Variants in PI4KA observed in about 807,000 individuals in gnomAD.
PI4KA encodes phosphatidylinositol 4-kinase alpha.
Under a neutral mutation model 271.4 loss-of-function variants are expected in PI4KA, and 122 were observed. That is an observed-to-expected ratio of 0.45 (90% confidence interval 0.39 to 0.52). PI4KA has a LOEUF of 0.52. Among genes scored for constraint, PI4KA ranks in the 20% least tolerant of loss-of-function variants. PI4KA has a pLI of 0.00. For missense variants in PI4KA, 1,969 were observed against 2,769.1 expected (o/e 0.71, Z 6.48); for synonymous variants, 1,041 against 1,078.8 (o/e 0.96, Z 0.69).
chr22:20,758,992 G>C (rs1294623342), intron 23 of PI4KA, among the ~76,000 whole-genome samples: 1 of 152,128 alleles, frequency 6.6e-6, no homozygotes, highest in Non-Finnish European at 1.5e-5. Flanking sequence ...GCTCCACAAA[G>C]GACTTACTAG....
intron 19 of PI4KA, among the ~76,000 whole-genome samples, chr22:20,770,579 GACACACACACACACACACACACACAC>G (rs528696021): frequency 5.2e-5 from 5 of 96,024 alleles, no homozygotes; most frequent in South Asian, 4.3e-4. Context: ...GCTGGACACG[GACACACACACACACACACACACACAC>G]ACACACACAC....
At chr22:20,718,595 C>A (rs1926307472) in intron 44 of PI4KA, 98 bp downstream of exon 44, 4 of 1,378,548 alleles carry the variant, frequency 2.9e-6, no homozygotes, top group Non-Finnish European at 3.1e-6. Flanking sequence ...CTGGTTGGGG[C>A]CAGGCACGGG....
Position 20,707,838 on chromosome 22 carries a change from G to A in PI4KA, c.*209C>T. 1 of 662,258 alleles carries A rather than the reference G, an allele frequency of 1.5e-6. No individual in the cohort carries two copies. Among genetic ancestry groups the A allele is most frequent in the Non-Finnish European group, 2.8e-6 (1 of 360,896 alleles). 41.0% of individuals were successfully genotyped at this position (662,258 alleles called of 1,614,324 possible). A position where few individuals can be genotyped will look rare whatever the true frequency, so the allele number is the denominator to read the frequency against. On this transcript the variant is annotated 3_prime_UTR_variant, in exon 55 of 55. Coordinates refer to ENST00000255882, the MANE Select transcript of PI4KA (RefSeq NM_058004.4). ...AACAGAGGACTCACACCTGTGCATA[G>A]ACAGCACCATCCATTGATTGTCGCT...
In PI4KA at chr22:20,820,542, T is replaced by C. The variant is rs749863836; in HGVS notation, c.526A>G (p.Lys176Glu). 2 of 1,601,314 alleles carry C rather than the reference T, an allele frequency of 1.2e-6. No individual in the cohort carries two copies. The highest frequency in any genetic ancestry group is 1.7e-6 in the Non-Finnish European group (2 of 1,170,808). The change falls in exon 5 of 55, where the codon AAA becomes GAA. Residue 176 changes from lysine to glutamate, a missense_variant. By Grantham distance (56) the Lys-to-Glu change is moderately conservative (BLOSUM62 1). This residue lies in a region of PI4KA where 540 missense variants were observed against 555.5 expected (regional missense o/e 0.97). Transcript: ENST00000255882. Reference protein sequence around the residue: ...GMCQALEIQDKEYLCKYAIPC... With the variant: ...GMCQALEIQDEEYLCKYAIPC... ...AAAACCTTAAGGATACTCGTACCTT[T>C]GTCTTGAATCTCCAAGGCCTGGCAC... is the stretch of plus-strand genomic sequence containing the variant.
At chr22:20,748,596 G>C (rs551514004) in intron 28 of PI4KA, among the ~76,000 whole-genome samples, 10 of 152,326 alleles carry the variant, frequency 6.6e-5, no homozygotes, top group Admixed American at 4.6e-4. Context: ...TCGAGGGTGG[G>C]GGCAAGCCTG....
At chr22:20,788,419 C>T (rs1934412478) in intron 19 of PI4KA, among the ~76,000 whole-genome samples, 1 of 152,190 alleles carries the variant, frequency 6.6e-6, no homozygotes, top group Admixed American at 6.5e-5. Context: ...TGGGTTATCT[C>T]ACAGAGTCTC....
chr22:20,717,735 C>A lies in PI4KA; in HGVS notation c.5290G>T (p.Ala1764Ser), dbSNP rs767451359. 6.3e-6 allele frequency: 10 copies of A among 1,581,204 alleles called. No homozygotes were observed. Among genetic ancestry groups the A allele is most frequent in the South Asian group, 1.2e-5 (1 of 86,718 alleles). ...GGCTGCACCTTCACTTCAGACAGGG[C>A]CGACAGACAAGCCTTCTTTCTCTCG... ...GDERKKACLS[A>S]LSEVKVQPGC... is the part of the protein sequence containing the mutation. Residue 1764 changes from alanine to serine, a missense_variant, in exon 45 of 55, where the codon GCC becomes TCC. Around this residue, in one of 13 missense-constraint regions of PI4KA, gnomAD observed 388 missense variants for 521.5 expected, o/e 0.74. Coordinates refer to ENST00000255882, the MANE Select transcript of PI4KA (RefSeq NM_058004.4).
At chr22:20,798,118 A>G (rs1168852817) in intron 17 of PI4KA, among the ~76,000 whole-genome samples, 1 of 152,178 alleles carries the variant, frequency 6.6e-6, no homozygotes, top group African/African-American at 2.4e-5. Flanking sequence ...AACCCACAGA[A>G]AGCATCAAAG....
intron 42 of PI4KA, chr22:20,725,603 T>C: frequency 2.3e-6 from 1 of 442,992 alleles, no homozygotes; most frequent in Non-Finnish European, 4.6e-6. Flanking sequence ...TGGCTATCAA[T>C]AAGCCAGGGA....
chr22:20,749,828 G>A, intron 28 of PI4KA, 77 bp downstream of exon 28: 1 of 855,202 alleles, frequency 1.2e-6, no homozygotes, highest in Non-Finnish European at 2.0e-6. Flanking sequence ...TGGATTTTGA[G>A]TTCTTCATGT....
intron 23 of PI4KA, among the ~76,000 whole-genome samples, chr22:20,755,144 C>T (rs1039828564): frequency 3.3e-5 from 5 of 152,032 alleles, no homozygotes; most frequent in African/African-American, 1.2e-4. Context: ...CAGCCTTTTT[C>T]CCCATTTTTT....
chr22:20,798,839 C>G (rs554559921), intron 16 of PI4KA, 152 bp from the exon 17 acceptor site: 2 of 646,104 alleles, frequency 3.1e-6, no homozygotes, highest in South Asian at 3.8e-5. Context: ...TTTAATCAAA[C>G]CTCAAATTAA....
chr22:20,772,435 T>C (rs931657575), intron 19 of PI4KA, among the ~76,000 whole-genome samples: 1 of 152,168 alleles, frequency 6.6e-6, no homozygotes, highest in Non-Finnish European at 1.5e-5. Context: ...CCTCTGCCTG[T>C]GGTGCCACGC....
chr22:20,844,742 T>A (rs921326233), intron 1 of PI4KA, among the ~76,000 whole-genome samples: 3 of 152,200 alleles, frequency 2.0e-5, no homozygotes, highest in Admixed American at 6.5e-5. Flanking sequence ...ACATTTATCA[T>A]GTGTTCATCT....
At chr22:20,844,109 T>A (rs967833683) in intron 1 of PI4KA, among the ~76,000 whole-genome samples, 1 of 152,206 alleles carries the variant, frequency 6.6e-6, no homozygotes, top group Non-Finnish European at 1.5e-5. Flanking sequence ...TCTCAATAGC[T>A]CACATAGAAC....
Position 20,744,716 on chromosome 22 carries a change from G to C in PI4KA, c.3368C>G (p.Thr1123Ser). ...YNKQNTTLGA[T>S]QLSERPACVK... is the part of the protein sequence containing the mutation. ...ACAGGCCGGGCGCTCGCTCAGCTGA[G>C]TTGCCTACAGACAGATAACCATTAT... The change falls in exon 30 of 55, where the codon ACT becomes AGT. Residue 1123 changes from threonine to serine, a missense_variant. By Grantham distance (58) the Thr-to-Ser change is moderately conservative. This residue lies in a region of PI4KA where 203 missense variants were observed against 256.8 expected (regional missense o/e 0.79). Transcript: ENST00000255882. The C allele has an allele frequency of 6.2e-7, 1 of 1,613,358 alleles. No individual in the cohort carries two copies. The highest frequency in any genetic ancestry group is 8.5e-7 in the Non-Finnish European group (1 of 1,179,266).
rs573491020 is a variant in PI4KA, at chr22:20,768,122, G to C, written c.2329-2429C>G. On this transcript the variant is annotated intron_variant, in intron 19 of 54. Coordinates refer to ENST00000255882, the MANE Select transcript of PI4KA (RefSeq NM_058004.4). ...AGGCAAAGGTGTTCCTCAATTCCCA[G>C]ACGGTGCGGCGGCCAGACAGAGGTG... is the stretch of plus-strand genomic sequence containing the variant. Among the ~76,000 whole-genome samples, 9 of 152,258 alleles carry C rather than the reference G, an allele frequency of 5.9e-5. No individual in the cohort carries two copies. The South Asian group carries it at 1.9e-3, about 32-fold the overall frequency.
intron 19 of PI4KA, chr22:20,779,579 C>A (rs546348526): frequency 1.9e-6 from 3 of 1,614,196 alleles, no homozygotes; most frequent in African/African-American, 1.3e-5. Context: ...TCAGTGAAGA[C>A]GACGACTACA....
At chr22:20,752,124 A>C (rs1930768043) in intron 25 of PI4KA, among the ~76,000 whole-genome samples, 1 of 152,162 alleles carries the variant, frequency 6.6e-6, no homozygotes, top group African/African-American at 2.4e-5. Flanking sequence ...TATCTACCTG[A>C]CACCCTGGGG....
Sources: allele counts gnomAD v4.1 joint callset (sites outside exome capture counted in the v4.1 genomes callset), GRCh38; gene constraint gnomAD v4.1.1; regional missense constraint gnomAD v4.1.1; transcripts MANE v1.5; gene names NCBI Gene and HGNC (gene_info 2026-07-23, HGNC 2026-07-21).